Variants in SMCO2 observed in about 807,000 individuals in gnomAD.
SMCO2 encodes single-pass membrane protein with coiled-coil domains 2.
A neutral mutation model predicts 29.5 loss-of-function variants in SMCO2; 25 were observed. The observed-to-expected ratio is 0.85, with a 90% CI of 0.62 to 1.18. The LOEUF (loss-of-function observed/expected upper bound fraction) is 1.18, where lower values mean the gene tolerates loss of function less well. SMCO2 is among the 50% of genes most tolerant of loss of function. The probability of loss-of-function intolerance (pLI) is 0.00; values close to 1 mark genes in which losing one functional copy is unlikely to be tolerated. For missense variants in SMCO2, 348 were observed against 344.5 expected (o/e 1.01, Z -0.08); for synonymous variants, 117 against 123.3 (o/e 0.95, Z 0.34).
the SMCO2 span, among the ~76,000 whole-genome samples, chr12:27,433,182 G>A: frequency 6.6e-6 from 1 of 152,100 alleles, no homozygotes; most frequent in Non-Finnish European, 1.5e-5. Flanking sequence ...ATAGACGTGT[G>A]TGTGTGTGTA....
the SMCO2 span, among the ~76,000 whole-genome samples, chr12:27,442,551 C>T: frequency 1.3e-5 from 2 of 152,196 alleles, no homozygotes; most frequent in Non-Finnish European, 2.9e-5. Flanking sequence ...AATAAAATGT[C>T]TCTTATCAAA....
At chr12:27,492,129 T>G (rs1459176238) in intron 5 of SMCO2, among the ~76,000 whole-genome samples, 7 of 152,268 alleles carry the variant, frequency 4.6e-5, no homozygotes, top group Non-Finnish European at 5.9e-5. Flanking sequence ...TTCCAAATTT[T>G]TATACATACA....
chr12:27,439,086 C>A, the SMCO2 span, among the ~76,000 whole-genome samples: 2 of 152,164 alleles, frequency 1.3e-5, no homozygotes, highest in South Asian at 4.1e-4. Context: ...TTGCCTTAAC[C>A]CACAAGTAGC....
the SMCO2 span, among the ~76,000 whole-genome samples, chr12:27,456,809 G>A: frequency 1.3e-5 from 2 of 152,128 alleles, no homozygotes; most frequent in African/African-American, 4.8e-5. Flanking sequence ...TTAGGTACCA[G>A]TTAGGACTGG....
chr12:27,495,249 G>A (rs1266862631), intron 6 of SMCO2, among the ~76,000 whole-genome samples: 3 of 138,718 alleles, frequency 2.2e-5, no homozygotes, highest in Admixed American at 2.1e-4. Context: ...AATATAGAAT[G>A]TATGTATGTG....
chr12:27,429,862 A>G, the SMCO2 span, among the ~76,000 whole-genome samples: 2 of 152,124 alleles, frequency 1.3e-5, no homozygotes, highest in Non-Finnish European at 2.9e-5. Flanking sequence ...AGTTAATTTT[A>G]TGTGGTTAAA....
the SMCO2 span, among the ~76,000 whole-genome samples, chr12:27,439,572 A>G: frequency 6.6e-6 from 1 of 152,348 alleles, no homozygotes; most frequent in South Asian, 2.1e-4. Context: ...AGCAGTTTTA[A>G]GGAAACTCAG....
rs185962940 is a variant in SMCO2 at position 27,495,778 on chromosome 12, G to A, written c.606G>A (p.Thr202=). ...CTCACAGTTCTGAGGAAATAGATACGGAAGAGATGGAGGCCCTGCTTCCTC... is the reference window on the plus strand; with the variant it reads ...CTCACAGTTCTGAGGAAATAGATACAGAAGAGATGGAGGCCCTGCTTCCTC... Residue 202 remains threonine, a synonymous_variant, in exon 7 of 8, where the codon ACG becomes ACA. Transcript: ENST00000298876. 3.1e-4 allele frequency: 474 copies of A among 1,540,094 alleles called. 33 individuals carry two copies. In the African/African-American group the frequency reaches 6.1e-3, roughly 20 times the overall value.
In SMCO2 at chr12:27,488,658, G is replaced by A. The variant is rs1056496457; in HGVS notation, c.450+111G>A. ...AACAAGAAGTAAGACTCATAAGCAG[G>A]AGTGCTCTCTGGTGGTCACGTCTGA... On this transcript the variant is annotated intron_variant, in intron 5 of 7. Transcript: ENST00000298876. The A allele has an allele frequency of 3.3e-5, 24 of 717,920 alleles. No homozygotes were observed. In the African/African-American group the frequency reaches 3.9e-4, roughly 12 times the overall value. 44.5% of individuals were successfully genotyped at this position (717,920 alleles called of 1,614,324 possible).
Position 27,496,498 on chromosome 12 carries a change from A to G in SMCO2, c.683+643A>G, listed in dbSNP as rs555095007. 1.2e-4 allele frequency among the ~76,000 whole-genome samples: 18 copies of G among 150,730 alleles called. No individual in the cohort carries two copies. In the East Asian group the frequency reaches 1.9e-3, roughly 16 times the overall value. ...ATCAGTTATGTTCTTTTCATAAGAA[A>G]TTTGAAAAGTTTTGTTTGCTGTGCA... is the stretch of plus-strand genomic sequence containing the variant. On this transcript the variant is annotated intron_variant, in intron 7 of 7. Coordinates refer to ENST00000298876, the Ensembl canonical transcript of SMCO2.
At chr12:27,496,913 G>A (rs149117519) in intron 7 of SMCO2, 7 of 151,558 alleles carry the variant, frequency 4.6e-5, no homozygotes, top group African/African-American at 1.5e-4. Flanking sequence ...GGGACTTGAC[G>A]TATACAAGAT....
At chr12:27,429,257 G>T in the SMCO2 span, among the ~76,000 whole-genome samples, 12 of 151,996 alleles carry the variant, frequency 7.9e-5, no homozygotes, top group African/African-American at 2.9e-4. Context: ...ATATAAAGGT[G>T]CTAAGAAGAA....
intron 1 of SMCO2, among the ~76,000 whole-genome samples, chr12:27,467,259 A>G (rs1182819340): frequency 2.0e-5 from 3 of 152,092 alleles, no homozygotes; most frequent in African/African-American, 4.8e-5. Flanking sequence ...TTTATAGGAT[A>G]TGGGGGAAGG....
chr12:27,433,449 G>C, the SMCO2 span, among the ~76,000 whole-genome samples: 2 of 151,840 alleles, frequency 1.3e-5, no homozygotes, highest in Non-Finnish European at 2.9e-5. Context: ...AGTCAAATAA[G>C]AGGGCATCTG....
intron 7 of SMCO2, among the ~76,000 whole-genome samples, chr12:27,500,634 T>C (rs966042037): frequency 4.6e-5 from 7 of 150,880 alleles, no homozygotes; most frequent in Admixed American, 4.6e-4. Context: ...TAGATAGTTT[T>C]CGTAGTGAGT....
chr12:27,431,027 CTTTT>C, the SMCO2 span, among the ~76,000 whole-genome samples: 2 of 146,794 alleles, frequency 1.4e-5, no homozygotes, highest in Non-Finnish European at 3.0e-5. Context: ...AATTTACTAT[CTTTT>C]TTTTTTTTAA....
chr12:27,453,137 G>A, the SMCO2 span, among the ~76,000 whole-genome samples: 28 of 152,230 alleles, frequency 1.8e-4, no homozygotes, highest in South Asian at 6.2e-4. Flanking sequence ...TTCTGGAGTT[G>A]AGCATCCATC....
At chr12:27,466,867 G>A (rs929297937) in exon 1 of SMCO2, 1 of 152,224 alleles carries the variant, frequency 6.6e-6, no homozygotes, top group East Asian at 1.9e-4. Context: ...GCTGAGGAAA[G>A]GAGGCTCTGG....
At chr12:27,490,306 C>T (rs76083571) in intron 5 of SMCO2, among the ~76,000 whole-genome samples, 10,055 of 152,070 alleles carry the variant, frequency 0.066, 702 homozygotes, top group East Asian at 0.26. Context: ...CTGAAAAAGG[C>T]AAAATTGTAG....
Sources: allele counts gnomAD v4.1 joint callset (sites outside exome capture counted in the v4.1 genomes callset), GRCh38; gene constraint gnomAD v4.1.1; transcripts MANE v1.5; gene names NCBI Gene and HGNC (gene_info 2026-07-23, HGNC 2026-07-21).